The following NGEF variants were observed in gnomAD, a reference collection of about 807,000 sequenced individuals.
NGEF encodes the protein neuronal guanine nucleotide exchange factor.
NGEF carries 31 observed loss-of-function variants against 80.9 expected under a neutral mutation model. The observed-to-expected ratio is 0.38, with a 90% CI of 0.29 to 0.52. NGEF has a LOEUF of 0.52. Ranked by LOEUF, NGEF falls within the 20% of genes least tolerant of loss-of-function variation. NGEF has a pLI of 0.84. For synonymous variants in NGEF, 371 were observed against 370.2 expected (o/e 1.00, Z -0.03); for missense variants, 709 against 926.2 (o/e 0.77, Z 3.04).
At chr2:232,904,316 C>A (rs7580051) in intron 5 of NGEF, among the ~76,000 whole-genome samples, 4,916 of 152,160 alleles carry the variant, frequency 0.032, 102 homozygotes, top group Non-Finnish European at 0.05. Flanking sequence ...TCTAGCTCTG[C>A]CTCCTGGGTT....
At chr2:232,887,144 A>G (rs1691718890) in intron 9 of NGEF, among the ~76,000 whole-genome samples, 1 of 152,160 alleles carries the variant, frequency 6.6e-6, no homozygotes, top group Non-Finnish European at 1.5e-5. Context: ...GGTGACAAAG[A>G]AGTGGAATAT....
chr2:232,992,547 G>A (rs1024615885), intron 1 of NGEF, among the ~76,000 whole-genome samples: 4 of 151,652 alleles, frequency 2.6e-5, no homozygotes, highest in Admixed American at 6.6e-5. Flanking sequence ...GAGACTGTCC[G>A]AAACAAAACA....
intron 6 of NGEF, among the ~76,000 whole-genome samples, chr2:232,893,576 C>A (rs1691953438): frequency 1.3e-5 from 2 of 152,226 alleles, no homozygotes; most frequent in South Asian, 4.2e-4. Context: ...GAGTTCGAGA[C>A]CAGCCTGGCC....
intron 5 of NGEF, among the ~76,000 whole-genome samples, chr2:232,906,474 A>C: frequency 1.2e-5 from 1 of 80,326 alleles, no homozygotes; most frequent in African/African-American, 4.9e-5. Flanking sequence ...CCTACTGGGA[A>C]GTGAGGAGCC....
chr2:232,914,034 G>A (rs551419270), intron 5 of NGEF, among the ~76,000 whole-genome samples: 3 of 152,274 alleles, frequency 2.0e-5, no homozygotes, highest in South Asian at 4.1e-4. Flanking sequence ...TCTTTTCCAT[G>A]CTTTAGACTA....
chr2:232,927,611 G>A (rs1380159180), intron 3 of NGEF, among the ~76,000 whole-genome samples: 1 of 152,128 alleles, frequency 6.6e-6, no homozygotes, highest in Non-Finnish European at 1.5e-5. Context: ...GGCGCGGAAA[G>A]GGGATGCCGA....
At chr2:232,897,232 A>AG (rs1204647855) in intron 5 of NGEF, among the ~76,000 whole-genome samples, 2 of 151,706 alleles carry the variant, frequency 1.3e-5, no homozygotes, top group Admixed American at 6.6e-5. Flanking sequence ...CAGAGCCCTG[A>AG]CCCAGGGCCC....
Position 232,894,893 on chromosome 2 carries a change from G to A in NGEF, c.852C>T (p.Ser284=), listed in dbSNP as rs755831802. 27 of 1,596,160 alleles carry A rather than the reference G, an allele frequency of 1.7e-5. No individual in the cohort carries two copies. The highest frequency in any genetic ancestry group is 1.4e-4 in the East Asian group (6 of 44,430). Residue 284 remains serine, a synonymous_variant, in exon 6 of 15, where the codon TCC becomes TCT. Coordinates refer to ENST00000264051, the MANE Select transcript of NGEF (RefSeq NM_019850.3). Reference sequence around the variant, plus strand: ...TCAGACTCTTGTAGTAGGACGCCTCGGAAGTGACCAGCTCGAACATGGCCT... The same window carrying A: ...TCAGACTCTTGTAGTAGGACGCCTCAGAAGTGACCAGCTCGAACATGGCCT... The part of the protein sequence containing the change: ...LQEAMFELVT[S]EASYYKSLNL...
chr2:233,000,649 A>G (rs958341168), intron 1 of NGEF, among the ~76,000 whole-genome samples: 17 of 151,642 alleles, frequency 1.1e-4, no homozygotes, highest in African/African-American at 3.9e-4. Flanking sequence ...AGTCCCAGCT[A>G]CTCAGGAGGC....
chr2:233,010,993 G>A (rs919573330), intron 1 of NGEF, among the ~76,000 whole-genome samples: 2 of 152,122 alleles, frequency 1.3e-5, no homozygotes, highest in African/African-American at 4.8e-5. Flanking sequence ...AGGGGGGTCT[G>A]AAAAGAGGCA....
chr2:232,970,509 T>C (rs1425445992), intron 2 of NGEF, among the ~76,000 whole-genome samples, 181 bp from the exon 3 acceptor site: 2 of 152,190 alleles, frequency 1.3e-5, no homozygotes, highest in Admixed American at 1.3e-4. Context: ...CTGTGTCAGA[T>C]GGCCTGGGAT....
chr2:232,975,324 GA>G (rs1402055466), intron 1 of NGEF, among the ~76,000 whole-genome samples: 1 of 152,200 alleles, frequency 6.6e-6, no homozygotes, highest in African/African-American at 2.4e-5. Context: ...TAAATGTCTA[GA>G]CAGGAAAAGA....
In NGEF at chr2:232,878,706, TTTATA is replaced by T. The variant is rs1168326041; in HGVS notation, c.*778_*782del. The stretch of plus-strand genomic sequence containing the variant: ...AAGAGTAGACCTTCATCTTCTTTAT[TTTATA>T]TATGATGCTTCTTTTAATGCAGCCA... On this transcript the variant is annotated 3_prime_UTR_variant, in exon 15 of 15. Coordinates refer to ENST00000264051, the MANE Select transcript of NGEF (RefSeq NM_019850.3). 1 of 152,626 alleles carries T rather than the reference TTTATA, an allele frequency of 6.6e-6. No individual in the cohort carries two copies. The highest frequency in any genetic ancestry group is 1.5e-5 in the Non-Finnish European group (1 of 68,048). 9.5% of individuals were successfully genotyped at this position (152,626 alleles called of 1,614,324 possible).
chr2:232,939,719 C>T (rs190439741), intron 3 of NGEF, among the ~76,000 whole-genome samples: 27 of 152,162 alleles, frequency 1.8e-4, no homozygotes, highest in African/African-American at 3.9e-4. Context: ...GTGTCTCGGC[C>T]GGGCACGGTG....
intron 3 of NGEF, among the ~76,000 whole-genome samples, chr2:232,947,051 TA>T (rs1325322694): frequency 1.3e-5 from 2 of 152,206 alleles, no homozygotes; most frequent in African/African-American, 4.8e-5. Context: ...TAATGGATGT[TA>T]AAAGCCATGG....
At chr2:232,900,852 C>T (rs1172923592) in intron 5 of NGEF, among the ~76,000 whole-genome samples, 2 of 152,240 alleles carry the variant, frequency 1.3e-5, no homozygotes, top group African/African-American at 4.8e-5. Context: ...CCACGCTGCC[C>T]GTGGGGCCAG....
At chr2:233,010,198 C>A (rs962847518) in intron 1 of NGEF, among the ~76,000 whole-genome samples, 1 of 152,094 alleles carries the variant, frequency 6.6e-6, no homozygotes, top group Non-Finnish European at 1.5e-5. Flanking sequence ...CAGCTGGCAT[C>A]TTTTAAACAG....
intron 3 of NGEF, among the ~76,000 whole-genome samples, chr2:232,955,344 G>C (rs1167344239): frequency 6.6e-6 from 1 of 152,092 alleles, no homozygotes; most frequent in African/African-American, 2.4e-5. Context: ...CAGGAAGTCA[G>C]CTTTGAAATA....
In NGEF at chr2:232,906,129, GC is replaced by G. The variant is rs1414985543; in HGVS notation, c.829-11214del. 5.3e-4 allele frequency among the ~76,000 whole-genome samples: 42 copies of G among 78,524 alleles called. 2 individuals are homozygous for G. The highest frequency in any genetic ancestry group is 1.1e-3 in the Non-Finnish European group (39 of 35,688). The allele number at this position is 78,524 out of a possible 152,430, so 51.5% of individuals were successfully genotyped here. A position where few individuals can be genotyped will look rare whatever the true frequency, so the allele number is the denominator to read the frequency against. ...GTCTGGGAGGGAGGTGGGGGTCTCAGCCCCCCGCCCGGCCACCCGCCCCGTC... is the reference window on the plus strand; with the variant it reads ...GTCTGGGAGGGAGGTGGGGGTCTCAGCCCCCGCCCGGCCACCCGCCCCGTC... On this transcript the variant is annotated intron_variant, in intron 5 of 14. Transcript: ENST00000264051.
Sources: gnomAD v4.1 joint callset for allele counts (sites outside exome capture counted in the v4.1 genomes callset) on GRCh38, gnomAD v4.1.1 for gene constraint, MANE v1.5 for transcripts, NCBI Gene and HGNC (gene_info 2026-07-23, HGNC 2026-07-21) for gene names.